Variants in MYEF2 observed in about 807,000 individuals in gnomAD.
The protein encoded by MYEF2 is myelin gene expression factor 2.
Under a neutral mutation model 75.2 loss-of-function variants are expected in MYEF2, and 37 were observed. That is an observed-to-expected ratio of 0.49 (90% CI 0.38 to 0.65). The LOEUF is 0.65. MYEF2 is among the 30% of genes least tolerant of loss of function. The pLI is 0.00. For missense variants in MYEF2, 634 were observed against 771.4 expected, an observed-to-expected ratio of 0.82 and a Z score of 2.11; for synonymous variants, 195 against 241.6, an observed-to-expected ratio of 0.81 and a Z score of 1.79.
Position 48,136,927 on chromosome 15 carries a change from T to C in MYEF2, c.*5981A>G, listed in dbSNP as rs761055989. Reference sequence around the variant, plus strand: ...TGAAGATTCTGGCTACTCTCAGCTCTCTATAAGTTTACATGGCCTTAGTCA... The same window carrying C: ...TGAAGATTCTGGCTACTCTCAGCTCCCTATAAGTTTACATGGCCTTAGTCA... On this transcript the variant is annotated 3_prime_UTR_variant, in exon 17 of 17. Coordinates refer to ENST00000324324, the MANE Select transcript of MYEF2 (RefSeq NM_016132.5). 1 of 1,613,470 alleles carries C rather than the reference T, an allele frequency of 6.2e-7. No homozygotes were observed. Among genetic ancestry groups the C allele is most frequent in the Non-Finnish European group, 8.5e-7 (1 of 1,179,508 alleles).
At chr15:48,145,216 C>T (rs1002860804) in intron 16 of MYEF2, among the ~76,000 whole-genome samples, 1 of 151,734 alleles carries the variant, frequency 6.6e-6, no homozygotes, top group African/African-American at 2.4e-5. Flanking sequence ...GGTTAGACTG[C>T]TCCCCTAAAA....
Position 48,136,558 on chromosome 15 carries a change from T to C in MYEF2, c.*6350A>G, listed in dbSNP as rs2038905029. Reference sequence around the variant, plus strand: ...ACAAATCTACAAAACAAAAAATATCTAGAAATGTTTGATTGTTCTATGGCT... The same window carrying C: ...ACAAATCTACAAAACAAAAAATATCCAGAAATGTTTGATTGTTCTATGGCT... On this transcript the variant is annotated 3_prime_UTR_variant, in exon 17 of 17. Coordinates refer to ENST00000324324, the MANE Select transcript of MYEF2 (RefSeq NM_016132.5). The C allele has an allele frequency of 3.4e-6, 3 of 880,954 alleles. No individual in the cohort carries two copies. The highest frequency in any genetic ancestry group is 5.0e-6 in the Non-Finnish European group (3 of 596,022). 54.6% of individuals were successfully genotyped at this position (880,954 alleles called of 1,614,324 possible).
At position 48,137,473 on chromosome 15, in the gene MYEF2, G is replaced by A. The variant is rs932752002; in HGVS notation, c.*5435C>T. On this transcript the variant is annotated 3_prime_UTR_variant, in exon 17 of 17. Transcript: ENST00000324324. ...AATGCTATTTTAAGAATCTTGGAAG[G>A]TTTCTGAGGAGAGAAATTATTAGAA... is the stretch of plus-strand genomic sequence containing the variant. The A allele has an allele frequency of 6.6e-6, 1 of 152,160 alleles. No individual in the cohort carries two copies. The highest frequency in any genetic ancestry group is 6.6e-5 in the Admixed American group (1 of 15,242). The allele number at this position is 152,160 out of a possible 1,614,324, so 9.4% of individuals were successfully genotyped here.
chr15:48,142,873 A>G lies in MYEF2; in HGVS notation c.*35T>C. On this transcript the variant is annotated 3_prime_UTR_variant, in exon 17 of 17. Transcript: ENST00000324324. ...TGACTTTTACTAGGAGATTCAGCAA[A>G]ACAGATGTAGGAATGTTCCAACCAT... is the stretch of plus-strand genomic sequence containing the variant. 1 of 1,550,542 alleles carries G rather than the reference A, an allele frequency of 6.4e-7. No individual in the cohort carries two copies. Among genetic ancestry groups the G allele is most frequent in the Non-Finnish European group, 8.7e-7 (1 of 1,152,814 alleles).
At chr15:48,171,828 C>A (rs950361344) in intron 1 of MYEF2, among the ~76,000 whole-genome samples, 1 of 151,954 alleles carries the variant, frequency 6.6e-6, no homozygotes, top group Admixed American at 6.6e-5. Flanking sequence ...ACTAAATTCC[C>A]AAACTGTTCA....
chr15:48,147,203 A>G (rs964292147), intron 16 of MYEF2, among the ~76,000 whole-genome samples: 4 of 151,898 alleles, frequency 2.6e-5, no homozygotes, highest in Non-Finnish European at 5.9e-5. Flanking sequence ...ATGTCTTGCA[A>G]TTGCTGATGT....
chr15:48,140,110 A>C lies in MYEF2; in HGVS notation c.*2798T>G, dbSNP rs2140762339. ...CTTCCTTTTTTTAATGAGAAAAATGAAAAAGTCCAATTAGCTTGCATATTA... is the reference window on the plus strand; with the variant it reads ...CTTCCTTTTTTTAATGAGAAAAATGCAAAAGTCCAATTAGCTTGCATATTA... On this transcript the variant is annotated 3_prime_UTR_variant, in exon 17 of 17. Coordinates refer to ENST00000324324, the MANE Select transcript of MYEF2 (RefSeq NM_016132.5). 6.6e-6 allele frequency: 1 copy of C among 152,256 alleles called. No homozygotes were observed. Among genetic ancestry groups the C allele is most frequent in the East Asian group, 1.9e-4 (1 of 5,194 alleles). The allele number at this position is 152,256 out of a possible 1,614,324, so 9.4% of individuals were successfully genotyped here.
At chr15:48,154,154 A>T (rs956744429) in intron 9 of MYEF2, 2 of 254,028 alleles carry the variant, frequency 7.9e-6, no homozygotes, top group Non-Finnish European at 1.5e-5. Flanking sequence ...TTAAAGGTAC[A>T]CTGAGAGGAA....
intron 1 of MYEF2, among the ~76,000 whole-genome samples, chr15:48,170,808 A>T (rs1315007057): frequency 6.6e-6 from 1 of 152,216 alleles, no homozygotes; most frequent in African/African-American, 2.4e-5. Flanking sequence ...TATCAGCAGC[A>T]CCTCGCACGG....
In MYEF2 at chr15:48,178,161, G is replaced by C. The variant is rs1268094257; in HGVS notation, c.77C>G (p.Pro26Arg). The change falls in exon 1 of 17, where the codon CCG becomes CGG. Residue 26 changes from proline (P) to arginine (R), a missense_variant. By Grantham distance (103) the Pro-to-Arg change is moderately radical (BLOSUM62 -2). Coordinates refer to ENST00000324324, the MANE Select transcript of MYEF2 (RefSeq NM_016132.5). Reference protein sequence around the residue: ...DSPHLQPAEPPGEPRREPHPA... With the variant: ...DSPHLQPAEPRGEPRREPHPA... ...GTGCGGCTCTCGCCGCGGCTCGCCC[G>C]GCGGCTCTGCGGGCTGCAGGTGCGG... 1 of 1,557,892 alleles carries C rather than the reference G, an allele frequency of 6.4e-7. No individual in the cohort carries two copies. The highest frequency in any genetic ancestry group is 1.4e-5 in the African/African-American group (1 of 71,848).
chr15:48,152,376 G>T, intron 10 of MYEF2, 92 bp from the exon 11 acceptor site: 3 of 1,058,974 alleles, frequency 2.8e-6, no homozygotes, highest in Non-Finnish European at 4.3e-6. Context: ...AGATACCACT[G>T]GTATAACCAC....
In MYEF2 at chr15:48,142,321, A is replaced by G; in HGVS notation, c.*587T>C. ...TTCTATATGAACTTGGAATTATTGG[A>G]AATAATAAAATAAGGGGCTGTGGAG... On this transcript the variant is annotated 3_prime_UTR_variant, in exon 17 of 17. Coordinates refer to ENST00000324324, the MANE Select transcript of MYEF2 (RefSeq NM_016132.5). 12 of 1,607,678 alleles carry G rather than the reference A, an allele frequency of 7.5e-6. No homozygotes were observed. Among genetic ancestry groups the G allele is most frequent in the Non-Finnish European group, 1.0e-5 (12 of 1,176,492 alleles).
Position 48,149,316 on chromosome 15 carries a change from G to A in MYEF2, c.1434C>T (p.Asp478=). The change falls in exon 15 of 17, where the codon GAC becomes GAT. Residue 478 remains aspartate (D), a synonymous_variant. Coordinates refer to ENST00000324324, the MANE Select transcript of MYEF2 (RefSeq NM_016132.5). The surrounding 1 kb of genome is among the most constrained non-coding windows in gnomAD (Gnocchi z 4.0). The part of the protein sequence containing the change: ...SVTGGMGMGL[D]RMSSSFDRMG... ...TTCTATCAAAGCTGGAACTCATCCG[G>A]TCCAGTCCCATCCCCATTCCTCCAG... 1.2e-6 allele frequency: 2 copies of A among 1,612,926 alleles called. No individual in the cohort carries two copies. Among genetic ancestry groups the A allele is most frequent in the Non-Finnish European group, 1.7e-6 (2 of 1,179,288 alleles).
intron 5 of MYEF2, among the ~76,000 whole-genome samples, chr15:48,165,698 A>G (rs1416609300): frequency 6.6e-6 from 1 of 151,982 alleles, no homozygotes; most frequent in East Asian, 1.9e-4. Context: ...AAATTTTTTT[A>G]AATTATGTGC....
rs748790297 is a variant in MYEF2 at position 48,135,016 on chromosome 15, T to C, written c.*7892A>G. ...TTGAAAATAATTCTTATGTAAAAAT[T>C]AGAGATTTTATGAATTTCTGATGGT... On this transcript the variant is annotated 3_prime_UTR_variant, in exon 17 of 17. Coordinates refer to ENST00000324324, the MANE Select transcript of MYEF2 (RefSeq NM_016132.5). The C allele has an allele frequency of 1.3e-6, 2 of 1,521,724 alleles. No individual in the cohort carries two copies. Among genetic ancestry groups the C allele is most frequent in the Admixed American group, 3.7e-5 (2 of 54,210 alleles). The allele number at this position is 1,521,724 out of a possible 1,614,324, so 94.3% of individuals were successfully genotyped here. A position where few individuals can be genotyped will look rare whatever the true frequency, so the allele number is the denominator to read the frequency against.
At chr15:48,174,185 C>A (rs1220612421) in intron 1 of MYEF2, among the ~76,000 whole-genome samples, 3 of 151,946 alleles carry the variant, frequency 2.0e-5, no homozygotes, top group African/African-American at 7.2e-5. Flanking sequence ...AACACATCCC[C>A]AATATATGGT....
At chr15:48,168,455 T>C (rs1329723581) in intron 2 of MYEF2, among the ~76,000 whole-genome samples, 176 bp downstream of exon 2, 1 of 151,934 alleles carries the variant, frequency 6.6e-6, no homozygotes, top group Non-Finnish European at 1.5e-5. Flanking sequence ...ATATCCATAC[T>C]ACCTTGTAAT....
intron 1 of MYEF2, among the ~76,000 whole-genome samples, chr15:48,175,855 T>C (rs2040499409): frequency 6.6e-6 from 1 of 152,144 alleles, no homozygotes. Context: ...AAGACTACAG[T>C]TGGAAAACGG....
intron 6 of MYEF2, 37 bp downstream of exon 6, chr15:48,159,576 T>C: frequency 1.3e-6 from 2 of 1,571,238 alleles, no homozygotes; most frequent in African/African-American, 1.4e-5. Context: ...TAGCTATCTA[T>C]CTGAATGACA....
Sources: allele counts gnomAD v4.1 joint callset (sites outside exome capture counted in the v4.1 genomes callset), GRCh38; gene constraint gnomAD v4.1.1; non-coding constraint Gnocchi (gnomAD v3.1); transcripts MANE v1.5; gene names NCBI Gene and HGNC (gene_info 2026-07-23, HGNC 2026-07-21).